The following ESR1 variants were observed in gnomAD, a reference collection of about 807,000 sequenced individuals.
The protein encoded by ESR1 is estrogen receptor 1, also known as estrogen receptor.
A neutral mutation model predicts 52.7 loss-of-function variants in ESR1; 12 were observed. The observed-to-expected ratio is 0.23, with a 90% CI of 0.15 to 0.37. The LOEUF is 0.37. Ranked by LOEUF, ESR1 falls within the 10% of genes least tolerant of loss-of-function variation. The pLI is 1.00. For missense variants in ESR1, 584 were observed against 779.7 expected (o/e 0.75, Z 2.99); for synonymous variants, 305 against 316.8 (o/e 0.96, Z 0.39).
chr6:151,823,273 A>G (rs1488918277), intron 1 of ESR1, among the ~76,000 whole-genome samples: 1 of 152,086 alleles, frequency 6.6e-6, no homozygotes, highest in African/African-American at 2.4e-5. Flanking sequence ...CTGCTTTTCT[A>G]CCAGGAAAGG....
chr6:151,732,958 A>G (rs555604226), intron 2 of ESR1, among the ~76,000 whole-genome samples: 11 of 152,180 alleles, frequency 7.2e-5, no homozygotes, highest in African/African-American at 2.4e-4. Context: ...CCCTCTCATG[A>G]TTTCTCTCAC....
intron 2 of ESR1, among the ~76,000 whole-genome samples, chr6:151,787,644 T>A (rs796658949): frequency 2.1e-4 from 32 of 152,304 alleles, no homozygotes; most frequent in African/African-American, 6.3e-4. Flanking sequence ...GGCTCTTTGC[T>A]TGACTATTTT....
intron 6 of ESR1, among the ~76,000 whole-genome samples, chr6:152,110,528 G>C (rs1562795745): frequency 6.6e-6 from 1 of 152,096 alleles, no homozygotes; most frequent in East Asian, 1.9e-4. Flanking sequence ...GCCTATCGGG[G>C]GGTGGAGGGT....
Position 151,791,693 on chromosome 6 carries a change from T to C in ESR1, c.-70-16150T>C, listed in dbSNP as rs572322034. On this transcript the variant is annotated intron_variant, in intron 2 of 2. Transcript: ENST00000404742. ...TAAGGCAGGGCAGAGCTGGGTCTTA[T>C]GGAGACATGTGGCTTTCAGGTAATC... is the stretch of plus-strand genomic sequence containing the variant. Among the ~76,000 whole-genome samples the C allele has an allele frequency of 1.2e-4, 18 of 152,306 alleles. No homozygotes were observed. In the South Asian group the frequency reaches 2.5e-3, roughly 21 times the overall value.
chr6:152,072,160 C>T (rs762098137), intron 6 of ESR1, among the ~76,000 whole-genome samples: 1 of 152,222 alleles, frequency 6.6e-6, no homozygotes, highest in Non-Finnish European at 1.5e-5. Context: ...TAAACATCTC[C>T]TTTTGAAACA....
intron 4 of ESR1, among the ~76,000 whole-genome samples, chr6:152,011,406 G>A (rs2042754983): frequency 6.6e-6 from 1 of 152,178 alleles, no homozygotes; most frequent in Non-Finnish European, 1.5e-5. Context: ...AGCTAAGTGT[G>A]TTGCTCAAGT....
intron 2 of ESR1, among the ~76,000 whole-genome samples, chr6:151,718,915 C>T (rs145836347): frequency 5.9e-5 from 9 of 152,172 alleles, no homozygotes; most frequent in Admixed American, 3.3e-4. Context: ...TTTCTTCTTC[C>T]GCATATTAGG....
chr6:151,897,045 T>C (rs771212092), intron 3 of ESR1, among the ~76,000 whole-genome samples: 9 of 152,026 alleles, frequency 5.9e-5, no homozygotes, highest in Non-Finnish European at 1.0e-4. Flanking sequence ...ACTGAGAGAG[T>C]AGTTGACATA....
upstream of ESR1, chr6:151,805,828 T>C (rs890655313): frequency 1.2e-4 from 19 of 152,242 alleles, no homozygotes; most frequent in African/African-American, 3.4e-4. Flanking sequence ...AGGGTAGGCT[T>C]GTTTTGATTT....
chr6:151,762,923 G>A (rs530183079), intron 2 of ESR1, among the ~76,000 whole-genome samples: 3 of 152,216 alleles, frequency 2.0e-5, no homozygotes. Flanking sequence ...CTGGGTGACA[G>A]AGTGGGACTC....
chr6:151,702,416 C>T (rs1304366682), intron 2 of ESR1, among the ~76,000 whole-genome samples: 1 of 151,928 alleles, frequency 6.6e-6, no homozygotes, highest in African/African-American at 2.4e-5. Context: ...CAAGTGAAAA[C>T]ATTTCTTGAT....
intron 5 of ESR1, among the ~76,000 whole-genome samples, chr6:152,041,859 T>C (rs1256686985): frequency 1.3e-5 from 2 of 152,190 alleles, no homozygotes; most frequent in Non-Finnish European, 2.9e-5. Flanking sequence ...AAAAAGCCAT[T>C]TGCCAAATCA....
intron 1 of ESR1, among the ~76,000 whole-genome samples, chr6:151,814,869 C>T (rs546103417): frequency 2.0e-5 from 3 of 152,308 alleles, no homozygotes; most frequent in Admixed American, 2.0e-4. Flanking sequence ...ATACCAGAAT[C>T]TCCTGCATGT....
At chr6:151,685,966 C>T (rs916986720), upstream of ESR1, among the ~76,000 whole-genome samples, 14 of 151,778 alleles carry the variant, frequency 9.2e-5, no homozygotes, top group Non-Finnish European at 1.8e-4. Context: ...TGCAGCGGCA[C>T]GAACGTGGCT....
At chr6:151,709,263 T>G (rs1287932169) in intron 2 of ESR1, among the ~76,000 whole-genome samples, 1 of 152,218 alleles carries the variant, frequency 6.6e-6, no homozygotes, top group Non-Finnish European at 1.5e-5. Context: ...TTATTTCACT[T>G]AATATAATGT....
intron 4 of ESR1, among the ~76,000 whole-genome samples, chr6:151,987,944 C>G (rs148469265): frequency 6.6e-6 from 1 of 152,018 alleles, no homozygotes; most frequent in Non-Finnish European, 1.5e-5. Context: ...ACCTCCCTTG[C>G]CTGTTGTTTG....
At chr6:152,125,181 C>T (rs2813561) in intron 6 of ESR1, 307,072 of 1,469,922 alleles carry the variant, frequency 0.21, 33,192 homozygotes, top group African/African-American at 0.29. Flanking sequence ...AAATCCCTGC[C>T]CACCGCACTC....
At chr6:151,819,803 A>G (rs753399093) in intron 1 of ESR1, among the ~76,000 whole-genome samples, 1 of 152,214 alleles carries the variant, frequency 6.6e-6, no homozygotes, top group Non-Finnish European at 1.5e-5. Flanking sequence ...ATTGTCTTCC[A>G]TGAAACCGGT....
At chr6:151,978,060 T>C (rs2039629842) in intron 4 of ESR1, among the ~76,000 whole-genome samples, 1 of 151,610 alleles carries the variant, frequency 6.6e-6, no homozygotes, top group African/African-American at 2.4e-5. Flanking sequence ...ACTCAGAGGC[T>C]TCAGAGTTTG....
Sources: gnomAD v4.1 joint callset for allele counts (sites outside exome capture counted in the v4.1 genomes callset) on GRCh38, gnomAD v4.1.1 for gene constraint, MANE v1.5 for transcripts, NCBI Gene and HGNC (gene_info 2026-07-23, HGNC 2026-07-21) for gene names.